SENP1: variants seen among roughly 807,000 people sequenced by gnomAD.
SENP1 encodes the protein sentrin-specific protease 1.
In SENP1, 21 loss-of-function variants were observed where a neutral mutation model predicts 93.0. That is an observed-to-expected ratio of 0.23 (90% CI 0.16 to 0.33). The LOEUF is 0.33. Among genes scored for constraint, SENP1 ranks in the 10% least tolerant of loss-of-function variants. SENP1 has a pLI of 1.00. For missense variants in SENP1, 591 were observed against 758.7 expected (o/e 0.78, Z 2.60); for synonymous variants, 256 against 259.6 (o/e 0.99, Z 0.13).
chr12:48,085,453 A>G (rs1179118622), intron 5 of SENP1: 2 of 742,340 alleles, frequency 2.7e-6, no homozygotes, highest in East Asian at 2.9e-5. Context: ...CACAGCCCTC[A>G]GCCCTTCCCT....
chr12:48,065,729 A>T, intron 10 of SENP1, 49 bp from the exon 11 acceptor site: 1 of 1,200,362 alleles, frequency 8.3e-7, no homozygotes, highest in Non-Finnish European at 1.2e-6. Context: ...TCTCATTATG[A>T]AACATATTGT....
chr12:48,065,725 T>A, intron 10 of SENP1, 45 bp from the exon 11 acceptor site: 1 of 1,213,968 alleles, frequency 8.2e-7, no homozygotes. Flanking sequence ...CCACTCTCAT[T>A]ATGAAACATA....
chr12:48,103,002 T>C (rs1256923111), intron 1 of SENP1, among the ~76,000 whole-genome samples: 2 of 152,210 alleles, frequency 1.3e-5, no homozygotes, highest in Non-Finnish European at 2.9e-5. Flanking sequence ...TTTCCCCTTC[T>C]TTCTTCTTTA....
chr12:48,105,893 G>A, intron 1 of SENP1, 135 bp downstream of exon 1: 1 of 621,354 alleles, frequency 1.6e-6, no homozygotes, highest in South Asian at 1.8e-5. Context: ...GCGGGGCAGA[G>A]GAAAAGGCGC....
At chr12:48,066,155 A>C (rs980527094) in intron 10 of SENP1, among the ~76,000 whole-genome samples, 1 of 152,230 alleles carries the variant, frequency 6.6e-6, no homozygotes, top group Admixed American at 6.5e-5. Context: ...AATGGGATTG[A>C]ACCCTAAAGG....
intron 2 of SENP1, among the ~76,000 whole-genome samples, chr12:48,101,171 A>T (rs1945908226): frequency 6.6e-6 from 1 of 152,184 alleles, no homozygotes; most frequent in African/African-American, 2.4e-5. Flanking sequence ...CTGTAATCCC[A>T]GCTACTTGGG....
chr12:48,092,392 T>C (rs1185762206), intron 4 of SENP1, among the ~76,000 whole-genome samples: 2 of 152,200 alleles, frequency 1.3e-5, no homozygotes, highest in African/African-American at 4.8e-5. Flanking sequence ...AGAAGTTTTT[T>C]TAAAGTCCAT....
chr12:48,083,634 C>G lies in SENP1; in HGVS notation c.509G>C (p.Ser170Thr), dbSNP rs1944638187. ...ATGTCGCCTCTGAGTTTTCTTGGGG[C>G]TCAAAAGACTTCGACGACATGAACC... is the stretch of plus-strand genomic sequence containing the variant. ...WSGSCRRSLL[S>T]PKKTQRRHVS... Residue 170 changes from serine (S) to threonine (T), a missense_variant, in exon 6 of 18, where the codon AGC becomes ACC. Around this residue, in one of 4 missense-constraint regions of SENP1, gnomAD observed 214 missense variants for 243.4 expected, o/e 0.88. Transcript: ENST00000549518. 1 of 1,613,598 alleles carries G rather than the reference C, an allele frequency of 6.2e-7. No homozygotes were observed. Among genetic ancestry groups the G allele is most frequent in the South Asian group, 1.1e-5 (1 of 91,028 alleles).
chr12:48,074,885 C>A lies in SENP1; in HGVS notation c.553-92G>T, dbSNP rs929244119. Reference sequence around the variant, plus strand: ...CATGTAAACAGAATCCTAGCTCTGCCAAAGCTCAGGCAGAATCCTTAAGAT... The same window carrying A: ...CATGTAAACAGAATCCTAGCTCTGCAAAAGCTCAGGCAGAATCCTTAAGAT... On this transcript the variant is annotated intron_variant, in intron 6 of 17. Transcript: ENST00000549518. 4.9e-6 allele frequency: 4 copies of A among 817,388 alleles called. No homozygotes were observed. In the African/African-American group the frequency reaches 5.2e-5, roughly 11 times the overall value. The allele number at this position is 817,388 out of a possible 1,614,324, so 50.6% of individuals were successfully genotyped here.
intron 13 of SENP1, among the ~76,000 whole-genome samples, chr12:48,063,115 A>C (rs776342960): frequency 4.6e-5 from 7 of 152,248 alleles, no homozygotes; most frequent in Non-Finnish European, 1.0e-4. Flanking sequence ...TAAAAACTGT[A>C]GTGTAATTAA....
intron 8 of SENP1, among the ~76,000 whole-genome samples, chr12:48,072,114 C>T (rs980290946): frequency 4.6e-5 from 7 of 152,126 alleles, no homozygotes; most frequent in Admixed American, 3.3e-4. Flanking sequence ...TAGTTAACTG[C>T]GGTCCAAATA....
In SENP1 at chr12:48,044,218, A is replaced by T. The variant is rs1172150826; in HGVS notation, c.*1104T>A. 6.6e-6 allele frequency: 1 copy of T among 152,088 alleles called. No homozygotes were observed. Among genetic ancestry groups the T allele is most frequent in the Non-Finnish European group, 1.5e-5 (1 of 67,910 alleles). 9.4% of individuals were successfully genotyped at this position (152,088 alleles called of 1,614,324 possible). On this transcript the variant is annotated 3_prime_UTR_variant, in exon 18 of 18. Transcript: ENST00000549518. ...AGGCCTCAAAAATATTCCATTAGGT[A>T]GTCCACAAACACCCTACTCATAGGG...
At chr12:48,067,606 A>G (rs1438524912) in intron 9 of SENP1, among the ~76,000 whole-genome samples, 1 of 152,234 alleles carries the variant, frequency 6.6e-6, no homozygotes, top group Non-Finnish European at 1.5e-5. Flanking sequence ...AAAGAAGAAG[A>G]GTGAACACTT....
chr12:48,049,415 A>G (rs1365925700), intron 13 of SENP1, among the ~76,000 whole-genome samples: 2 of 152,224 alleles, frequency 1.3e-5, no homozygotes, highest in Admixed American at 6.5e-5. Context: ...AGGTTAGGTC[A>G]AAAGACTGCA....
At chr12:48,102,806 G>A (rs988392217) in intron 1 of SENP1, among the ~76,000 whole-genome samples, 3 of 123,420 alleles carry the variant, frequency 2.4e-5, no homozygotes, top group Admixed American at 8.5e-5. Flanking sequence ...GCGAGACTCC[G>A]TCTCAAAAAA....
intron 13 of SENP1, among the ~76,000 whole-genome samples, chr12:48,058,839 T>C (rs1394435817): frequency 6.6e-6 from 1 of 152,178 alleles, no homozygotes; most frequent in Non-Finnish European, 1.5e-5. Context: ...CTGTTGGTGA[T>C]GCATTTGTTT....
At chr12:48,047,087 A>G in intron 15 of SENP1, 25 bp from the exon 16 acceptor site, 1 of 1,469,126 alleles carries the variant, frequency 6.8e-7, no homozygotes, top group African/African-American at 1.4e-5. Context: ...AGAGAATGAG[A>G]TAAGCAGTGG....
chr12:48,077,511 G>A (rs1297078788), intron 6 of SENP1, among the ~76,000 whole-genome samples: 1 of 152,100 alleles, frequency 6.6e-6, no homozygotes, highest in African/African-American at 2.4e-5. Flanking sequence ...ATTTAGTGAA[G>A]AGACTGTCCT....
chr12:48,105,842 G>A, intron 1 of SENP1, 186 bp downstream of exon 1: 1 of 598,398 alleles, frequency 1.7e-6, no homozygotes, highest in Non-Finnish European at 3.0e-6. Context: ...GCCACAGCGC[G>A]GCCACCGGAC....
Sources: gnomAD v4.1 joint callset for allele counts (sites outside exome capture counted in the v4.1 genomes callset) on GRCh38, gnomAD v4.1.1 for gene constraint, gnomAD v4.1.1 regional missense constraint, MANE v1.5 for transcripts, NCBI Gene and HGNC (gene_info 2026-07-23, HGNC 2026-07-21) for gene names.